Variants in CDH8 observed in about 807,000 individuals in gnomAD.
CDH8 encodes the protein cadherin-8.
CDH8 carries 17 observed loss-of-function variants against 68.1 expected under a neutral mutation model. The ratio of observed to expected loss-of-function variants is 0.25; its 90% CI spans 0.17 to 0.37. The LOEUF (loss-of-function observed/expected upper bound fraction) is 0.37. Among genes scored for constraint, CDH8 ranks in the 10% least tolerant of loss-of-function variants. The pLI is 1.00. For synonymous variants in CDH8, 372 were observed against 365.1 expected (o/e 1.02, Z -0.21); for missense variants, 763 against 999.3 (o/e 0.76, Z 3.19).
rs35226224 is a variant in CDH8, at chr16:61,825,121, A to G, written c.726T>C (p.Val242=). Residue 242 remains valine (V), a synonymous_variant, in exon 5 of 12, where the codon GTT becomes GTC. Coordinates refer to ENST00000577390, the MANE Select transcript of CDH8 (RefSeq NM_001796.5). ...MDREAKEEYL[V]VIQAKDMGGH... is the part of the protein sequence containing the mutation. ...CACCCATATCTTTGGCTTGGATAAC[A>G]ACCAGGTACTCCTCCTTGGCTTCTC... The G allele has an allele frequency of 2.3e-4, 369 of 1,611,990 alleles. 1 individual carries two copies. The highest frequency in any genetic ancestry group is 1.7e-3 in the Middle Eastern group (10 of 6,050).
chr16:61,898,129 G>A (rs1260921247), intron 3 of CDH8, among the ~76,000 whole-genome samples: 1 of 152,026 alleles, frequency 6.6e-6, no homozygotes. Context: ...GTAAAACCAC[G>A]TCTCTACTTA....
chr16:61,863,433 G>A (rs1963192482), intron 3 of CDH8, among the ~76,000 whole-genome samples: 1 of 152,094 alleles, frequency 6.6e-6, no homozygotes, highest in South Asian at 2.1e-4. Flanking sequence ...AGACCTTCAG[G>A]AAAATGAGAT....
At chr16:61,950,492 C>T (rs554543844) in intron 2 of CDH8, among the ~76,000 whole-genome samples, 1 of 152,214 alleles carries the variant, frequency 6.6e-6, no homozygotes, top group East Asian at 1.9e-4. Context: ...GGGTGTCTAT[C>T]CCACTTATGA....
At chr16:61,765,043 G>A (rs1960553701) in intron 8 of CDH8, among the ~76,000 whole-genome samples, 1 of 151,946 alleles carries the variant, frequency 6.6e-6, no homozygotes, top group Non-Finnish European at 1.5e-5. Flanking sequence ...GCTGTAAACT[G>A]GATAAATTAA....
chr16:61,663,512 C>G (rs544911535), intron 10 of CDH8, among the ~76,000 whole-genome samples: 2 of 151,838 alleles, frequency 1.3e-5, no homozygotes, highest in Admixed American at 1.3e-4. Context: ...CCCTTGAGGC[C>G]GACTTGCCTT....
intron 8 of CDH8, among the ~76,000 whole-genome samples, chr16:61,782,867 C>A (rs1357428093): frequency 2.6e-5 from 4 of 152,162 alleles, no homozygotes; most frequent in African/African-American, 7.2e-5. Context: ...AACAGACCTG[C>A]AGCTGAGGGT....
chr16:61,854,010 ATG>A (rs1487292834), intron 4 of CDH8, among the ~76,000 whole-genome samples: 22 of 151,982 alleles, frequency 1.4e-4, no homozygotes, highest in Non-Finnish European at 4.4e-5. Flanking sequence ...ATACATATGT[ATG>A]TGTGTATATA....
intron 8 of CDH8, among the ~76,000 whole-genome samples, chr16:61,729,637 A>C (rs16963887): frequency 0.13 from 19,565 of 151,232 alleles, 1,308 homozygotes; most frequent in African/African-American, 0.16. Context: ...TGTAACACTC[A>C]TTCTTTTCAT....
intron 3 of CDH8, among the ~76,000 whole-genome samples, chr16:61,895,724 T>C (rs1963858480): frequency 6.6e-6 from 1 of 152,190 alleles, no homozygotes; most frequent in Admixed American, 6.5e-5. Context: ...TTAGGTCTTG[T>C]CAAGCAATTT....
intron 10 of CDH8, among the ~76,000 whole-genome samples, chr16:61,675,745 A>G (rs1393802020): frequency 1.3e-5 from 2 of 151,696 alleles, no homozygotes; most frequent in Non-Finnish European, 2.9e-5. Context: ...ATGAGATGAG[A>G]GCATAAAGAT....
At chr16:61,751,860 A>C (rs1220214728) in intron 8 of CDH8, among the ~76,000 whole-genome samples, 2 of 152,088 alleles carry the variant, frequency 1.3e-5, no homozygotes, top group African/African-American at 4.8e-5. Flanking sequence ...TTATCCAATG[A>C]TATTAGGTAT....
At chr16:61,895,085 AT>A (rs1162773312) in intron 3 of CDH8, among the ~76,000 whole-genome samples, 1 of 152,132 alleles carries the variant, frequency 6.6e-6, no homozygotes, top group East Asian at 1.9e-4. Context: ...TAAAGTGCTC[AT>A]ATTCCTATAT....
chr16:61,795,546 T>C (rs1961476516), intron 7 of CDH8, among the ~76,000 whole-genome samples: 1 of 152,118 alleles, frequency 6.6e-6, no homozygotes, highest in Admixed American at 6.6e-5. Flanking sequence ...AATGAGTTGA[T>C]AAATGATTCA....
intron 4 of CDH8, among the ~76,000 whole-genome samples, chr16:61,847,746 T>C (rs1008722817): frequency 6.6e-6 from 1 of 151,726 alleles, no homozygotes; most frequent in Non-Finnish European, 1.5e-5. Context: ...ATATATTCCA[T>C]ATAGTCTTAA....
chr16:61,788,389 A>G (rs1016687743), intron 8 of CDH8, among the ~76,000 whole-genome samples: 4 of 152,048 alleles, frequency 2.6e-5, no homozygotes, highest in African/African-American at 9.7e-5. Context: ...AATCTTTCTT[A>G]ACATTGATTT....
Position 61,647,990 on chromosome 16 carries a change from A to G in CDH8, c.*5618T>C, listed in dbSNP as rs1963241775. On this transcript the variant is annotated 3_prime_UTR_variant, in exon 12 of 12. Coordinates refer to ENST00000577390, the MANE Select transcript of CDH8 (RefSeq NM_001796.5). The stretch of plus-strand genomic sequence containing the variant: ...GAATTAGATGGTGGCAGGTAACTCA[A>G]GTTGGGGAAATAGTACCCAAAGGCA... 3 of 620,462 alleles carry G rather than the reference A, an allele frequency of 4.8e-6. No homozygotes were observed. The highest frequency in any genetic ancestry group is 8.7e-6 in the Non-Finnish European group (3 of 345,258). The allele number at this position is 620,462 out of a possible 1,614,324, so 38.4% of individuals were successfully genotyped here.
chr16:61,710,717 C>T (rs1277705042), intron 10 of CDH8: 1 of 151,994 alleles, frequency 6.6e-6, no homozygotes, highest in Non-Finnish European at 1.5e-5. Flanking sequence ...TCCCATTTCA[C>T]CAGACGGTGC....
At chr16:61,816,229 C>T (rs1042394896) in intron 7 of CDH8, among the ~76,000 whole-genome samples, 6 of 152,030 alleles carry the variant, frequency 3.9e-5, no homozygotes, top group African/African-American at 1.2e-4. Context: ...TACTTAAAAA[C>T]AAAAAGTGCT....
chr16:61,869,847 A>G (rs1363732452), intron 3 of CDH8, among the ~76,000 whole-genome samples: 3 of 152,202 alleles, frequency 2.0e-5, no homozygotes, highest in Admixed American at 2.0e-4. Flanking sequence ...TCCTGCACTC[A>G]ATTCAGTTCT....
Sources: allele counts gnomAD v4.1 joint callset (sites outside exome capture counted in the v4.1 genomes callset), GRCh38; gene constraint gnomAD v4.1.1; transcripts MANE v1.5; gene names NCBI Gene and HGNC (gene_info 2026-07-23, HGNC 2026-07-21).